Variants in ZNF439 observed in about 807,000 individuals in gnomAD.
ZNF439 encodes the protein zinc finger protein 439.
ZNF439 carries 40 observed loss-of-function variants against 47.3 expected under a neutral mutation model. That is an observed-to-expected ratio of 0.85 (90% CI 0.66 to 1.10). ZNF439 has a LOEUF of 1.10. Among genes scored for constraint, ZNF439 ranks in the 50% least tolerant of loss-of-function variants. The pLI is 0.00. For missense variants in ZNF439, 556 were observed against 601.1 expected, an observed-to-expected ratio of 0.93 and a Z score of 0.78; for synonymous variants, 171 against 198.8, an observed-to-expected ratio of 0.86 and a Z score of 1.18.
chr19:11,866,505 C>G (rs182388004), intron 2 of ZNF439, 32 bp from the exon 3 acceptor site: 24 of 1,610,270 alleles, frequency 1.5e-5, no homozygotes, highest in Non-Finnish European at 1.9e-5. Flanking sequence ...TTTATACTGC[C>G]TCAGGATTAT....
At chr19:11,853,167 A>T (rs1874072780) in intron 1 of ZNF439, among the ~76,000 whole-genome samples, 1 of 151,114 alleles carries the variant, frequency 6.6e-6, no homozygotes, top group African/African-American at 2.4e-5. Context: ...TGACCTCGTG[A>T]TCCACCTGCC....
chr19:11,867,541 T>C lies in ZNF439; in HGVS notation c.487T>C (p.Trp163Arg), dbSNP rs1193741412. The C allele has an allele frequency of 6.2e-7, 1 of 1,614,114 alleles. No individual in the cohort carries two copies. Among genetic ancestry groups the C allele is most frequent in the Admixed American group, 1.7e-5 (1 of 60,020 alleles). The change falls in exon 4 of 4, where the codon TGG becomes CGG. Residue 163 changes from tryptophan (W) to arginine (R), a missense_variant. Coordinates refer to ENST00000682736, the MANE Select transcript of ZNF439 (RefSeq NM_001348719.2). ...CECQEYGPKP[W>R]KSQQPKKAFR... ...ATGTCAGGAATATGGACCAAAGCCA[T>C]GGAAGAGTCAACAACCTAAAAAAGC...
chr19:11,862,451 C>A (rs891478288), intron 1 of ZNF439, among the ~76,000 whole-genome samples: 1 of 151,516 alleles, frequency 6.6e-6, no homozygotes, highest in African/African-American at 2.4e-5. Flanking sequence ...TTGTTTGATT[C>A]TAATTTTGGC....
chr19:11,869,406 CT>C lies in ZNF439; in HGVS notation c.*838del, dbSNP rs796711276. 4 of 153,914 alleles carry C rather than the reference CT, an allele frequency of 2.6e-5. No homozygotes were observed. Among genetic ancestry groups the C allele is most frequent in the African/African-American group, 9.6e-5 (4 of 41,570 alleles). 9.5% of individuals were successfully genotyped at this position (153,914 alleles called of 1,614,324 possible). On this transcript the variant is annotated 3_prime_UTR_variant, in exon 4 of 4. Transcript: ENST00000682736. Reference sequence around the variant, plus strand: ...GTAAACAATTAACTGTTTATAATAACTGTATACTAACAAATGTTATTCTTTT... The same window carrying C: ...GTAAACAATTAACTGTTTATAATAACGTATACTAACAAATGTTATTCTTTT...
intron 1 of ZNF439, chr19:11,850,202 T>G (rs1362290476): frequency 1.3e-5 from 2 of 152,198 alleles, no homozygotes; most frequent in Non-Finnish European, 2.9e-5. Flanking sequence ...GCCTCCTGAG[T>G]AGCTGGGATT....
chr19:11,859,800 G>A (rs1042827300), intron 1 of ZNF439, among the ~76,000 whole-genome samples: 2 of 152,088 alleles, frequency 1.3e-5, no homozygotes, highest in Non-Finnish European at 2.9e-5. Context: ...CTATTGGAGG[G>A]GGCGGTATAG....
chr19:11,859,934 A>T (rs1190530164), intron 1 of ZNF439, among the ~76,000 whole-genome samples: 2 of 152,180 alleles, frequency 1.3e-5, no homozygotes, highest in Admixed American at 6.5e-5. Flanking sequence ...TAAGAAGGAG[A>T]TAACGGCAGA....
intron 1 of ZNF439, chr19:11,855,976 C>T (rs1001903943): frequency 1.3e-5 from 2 of 152,272 alleles, no homozygotes; most frequent in Non-Finnish European, 2.9e-5. Context: ...TTTCCCGTTC[C>T]ATGGTGGCAC....
chr19:11,860,655 C>A (rs187293911), intron 1 of ZNF439, among the ~76,000 whole-genome samples: 1 of 152,136 alleles, frequency 6.6e-6, no homozygotes, highest in African/African-American at 2.4e-5. Context: ...GTCGGGGGCA[C>A]CTTGCTTCTA....
In ZNF439 at chr19:11,868,713, C is replaced by G. The variant is rs1037179035; in HGVS notation, c.*144C>G. On this transcript the variant is annotated 3_prime_UTR_variant, in exon 4 of 4. Transcript: ENST00000682736. The stretch of plus-strand genomic sequence containing the variant: ...GTTCCTTTCGATATCTAAAAGGACT[C>G]ACAGTGGAGAAAAACTCTATGAGTG... The G allele has an allele frequency of 7.7e-6, 7 of 913,028 alleles. No homozygotes were observed. The African/African-American group carries it at 1.2e-4, about 15-fold the overall frequency. 56.6% of individuals were successfully genotyped at this position (913,028 alleles called of 1,614,324 possible).
intron 1 of ZNF439, among the ~76,000 whole-genome samples, chr19:11,862,564 C>A (rs1264013931): frequency 6.6e-6 from 1 of 152,146 alleles, no homozygotes; most frequent in African/African-American, 2.4e-5. Flanking sequence ...CTACTGAATC[C>A]ATAAGACCGT....
intron 1 of ZNF439, among the ~76,000 whole-genome samples, chr19:11,851,445 A>G (rs1976238099): frequency 6.6e-6 from 1 of 152,200 alleles, no homozygotes; most frequent in Non-Finnish European, 1.5e-5. Context: ...GGATACTTGC[A>G]GGCATCTTCA....
Position 11,868,894 on chromosome 19 carries a change from G to T in ZNF439, c.*325G>T, listed in dbSNP as rs1042464727. ...CATGAAAGTTGCACAGAGGAGAGGC[G>T]CCCTAAGAATGTAAGCATTGTGGGA... On this transcript the variant is annotated 3_prime_UTR_variant, in exon 4 of 4. Coordinates refer to ENST00000682736, the MANE Select transcript of ZNF439 (RefSeq NM_001348719.2). 2.8e-6 allele frequency: 1 copy of T among 354,166 alleles called. No individual in the cohort carries two copies. Among genetic ancestry groups the T allele is most frequent in the Non-Finnish European group, 5.5e-6 (1 of 180,446 alleles). The allele number at this position is 354,166 out of a possible 1,614,324, so 21.9% of individuals were successfully genotyped here.
chr19:11,849,896 T>G (rs910632757), intron 1 of ZNF439: 1 of 152,168 alleles, frequency 6.6e-6, no homozygotes. Context: ...AGTCAGAGAA[T>G]GTCTGTTTTT....
chr19:11,854,584 C>T (rs373021620), intron 1 of ZNF439, among the ~76,000 whole-genome samples: 4 of 152,062 alleles, frequency 2.6e-5, no homozygotes, highest in Admixed American at 2.6e-4. Flanking sequence ...ATGGTGAAAC[C>T]CCGTCTCTAC....
chr19:11,867,791 C>T lies in ZNF439; in HGVS notation c.737C>T (p.Pro246Leu), dbSNP rs374360870. The T allele has an allele frequency of 2.8e-5, 45 of 1,614,040 alleles. No homozygotes were observed. The highest frequency in any genetic ancestry group is 1.8e-4 in the South Asian group (16 of 91,076). Residue 246 changes from proline to leucine, a missense_variant, in exon 4 of 4, where the codon CCG becomes CTG. Physicochemically the swap from Pro to Leu is moderately conservative, Grantham distance 98. Transcript: ENST00000682736. ...IHERTHTGEK[P>L]YECKQCGKSF... ...GAAAGAACTCACACTGGAGAGAAACCGTATGAATGTAAACAATGTGGTAAA... is the reference window on the plus strand; with the variant it reads ...GAAAGAACTCACACTGGAGAGAAACTGTATGAATGTAAACAATGTGGTAAA...
Position 11,867,375 on chromosome 19 carries a change from TCCA to T in ZNF439, c.322_324del (p.Pro108del). ...ATTGTGGAGAAACTTTTACCCCAGT[TCCA>T]GATGACAGGCTGAACTTCCAGAAGA... On this transcript the variant is annotated inframe_deletion, in exon 4 of 4. Transcript: ENST00000682736. 1 of 1,613,970 alleles carries T rather than the reference TCCA, an allele frequency of 6.2e-7. No homozygotes were observed.
chr19:11,863,294 G>A (rs1976589697), intron 1 of ZNF439, among the ~76,000 whole-genome samples: 1 of 151,272 alleles, frequency 6.6e-6, no homozygotes, highest in Admixed American at 6.6e-5. Context: ...CCGAGTAGCT[G>A]GGATTACAGG....
chr19:11,866,198 G>A lies in ZNF439; in HGVS notation c.64-7G>A. 6.2e-7 allele frequency: 1 copy of A among 1,614,154 alleles called. No individual in the cohort carries two copies. ...CCATCCTCCTCTACACATGTGAGAT[G>A]TTTCAGGACCCAGTGGCTTTTAAGG... On this transcript the variant is annotated splice_region_variant and splice_polypyrimidine_tract_variant and intron_variant, in intron 1 of 3. Transcript: ENST00000682736.
Sources: allele counts gnomAD v4.1 joint callset (sites outside exome capture counted in the v4.1 genomes callset), GRCh38; gene constraint gnomAD v4.1.1; transcripts MANE v1.5; gene names NCBI Gene and HGNC (gene_info 2026-07-23, HGNC 2026-07-21).